Variants in WWP1 observed in about 807,000 individuals in gnomAD.
WWP1 encodes WW domain containing E3 ubiquitin protein ligase 1.
WWP1 carries 49 observed loss-of-function variants against 130.6 expected under a neutral mutation model. That is an observed-to-expected ratio of 0.38 (90% CI 0.30 to 0.48). The LOEUF (loss-of-function observed/expected upper bound fraction) is 0.48, where lower values mean the gene tolerates loss of function less well. WWP1 is among the 20% of genes least tolerant of loss of function. The pLI, the probability that WWP1 is intolerant of heterozygous loss-of-function variation, is 0.99. For synonymous variants in WWP1, 332 were observed against 367.8 expected (o/e 0.90, Z 1.11); for missense variants, 809 against 1,100.6 (o/e 0.74, Z 3.75).
At position 86,380,863 on chromosome 8, in the gene WWP1, G is replaced by C. The variant is rs746102182; in HGVS notation, c.208G>C (p.Val70Leu). The change falls in exon 4 of 25, where the codon GTA becomes CTA. Residue 70 changes from valine to leucine, a missense_variant and splice_region_variant. Around this residue, in one of 3 missense-constraint regions of WWP1, gnomAD observed 262 missense variants for 346.0 expected, o/e 0.76. Coordinates refer to ENST00000517970, the MANE Select transcript of WWP1 (RefSeq NM_007013.4). ...TCCAAAATGGGATGAACAGCTAACT[G>C]TGTAAGTACCTTGTGTAAAGGACGG... ...SNPKWDEQLT[V>L]NVTPQTTLEF... 2.5e-6 allele frequency: 4 copies of C among 1,598,728 alleles called. No individual in the cohort carries two copies. The highest frequency in any genetic ancestry group is 2.6e-6 in the Non-Finnish European group (3 of 1,174,614).
intron 8 of WWP1, among the ~76,000 whole-genome samples, chr8:86,409,222 CTTTCTT>C (rs1808444810): frequency 8.2e-6 from 1 of 121,310 alleles, no homozygotes; most frequent in Non-Finnish European, 1.7e-5. Context: ...TTTTCTTTTT[CTTTCTT>C]TTTTTTTTTT....
intron 1 of WWP1, among the ~76,000 whole-genome samples, chr8:86,363,868 A>G (rs962348097): frequency 4.0e-5 from 6 of 151,838 alleles, no homozygotes; most frequent in South Asian, 2.1e-4. Flanking sequence ...ATTCTGTGCC[A>G]GGAAGTATTT....
chr8:86,442,605 T>G lies in WWP1; in HGVS notation c.1839-14T>G. The G allele has an allele frequency of 6.3e-7, 1 of 1,574,878 alleles. No homozygotes were observed. Among genetic ancestry groups the G allele is most frequent in the Non-Finnish European group, 8.6e-7 (1 of 1,163,156 alleles). ...ATTAATGCTAAAAAATAACCTTGAC[T>G]TATTTTCTTATAGAGAATGGTTTTT... On this transcript the variant is annotated splice_polypyrimidine_tract_variant and intron_variant, in intron 17 of 24. Transcript: ENST00000517970.
intron 1 of WWP1, among the ~76,000 whole-genome samples, chr8:86,352,046 T>C (rs1586235952): frequency 6.7e-6 from 1 of 150,368 alleles, no homozygotes; most frequent in Admixed American, 6.6e-5. Context: ...TTCCTTTTTT[T>C]TTTTTTTTTT....
chr8:86,427,651 G>C lies in WWP1; in HGVS notation c.1166G>C (p.Arg389Thr). 6.2e-7 allele frequency: 1 copy of C among 1,603,804 alleles called. No individual in the cohort carries two copies. Among genetic ancestry groups the C allele is most frequent in the Non-Finnish European group, 8.5e-7 (1 of 1,173,464 alleles). Residue 389 changes from arginine (R) to threonine (T), a missense_variant, in exon 11 of 25, where the codon AGA (arginine) becomes ACA (threonine). This residue lies in a region of WWP1 where 450 missense variants were observed against 674.2 expected (regional missense o/e 0.67). Coordinates refer to ENST00000517970, the MANE Select transcript of WWP1 (RefSeq NM_007013.4). ...TTGTTTACTTGTGGTAGTTGGGAAA[G>C]AAGAGTTGATGATCGTAGAAGAGTT... The part of the protein sequence containing the change: ...RPQPLPPGWE[R>T]RVDDRRRVYY...
At chr8:86,355,197 G>C (rs1586243076) in intron 1 of WWP1, among the ~76,000 whole-genome samples, 1 of 152,186 alleles carries the variant, frequency 6.6e-6, no homozygotes, top group Non-Finnish European at 1.5e-5. Flanking sequence ...AATTCTTAAT[G>C]TATTAAGAAA....
chr8:86,447,114 A>G (rs1810923231), intron 18 of WWP1, among the ~76,000 whole-genome samples: 1 of 152,174 alleles, frequency 6.6e-6, no homozygotes, highest in Non-Finnish European at 1.5e-5. Flanking sequence ...ATGAAATACA[A>G]CTGTCGGTCA....
chr8:86,397,732 A>G (rs555490417), intron 5 of WWP1, among the ~76,000 whole-genome samples: 201 of 152,320 alleles, frequency 1.3e-3, no homozygotes, highest in African/African-American at 4.6e-3. Context: ...TAAGAACTAG[A>G]TGTTCTAATA....
At chr8:86,350,696 TA>T (rs1161369705) in intron 1 of WWP1, among the ~76,000 whole-genome samples, 1 of 152,172 alleles carries the variant, frequency 6.6e-6, no homozygotes, top group African/African-American at 2.4e-5. Flanking sequence ...TAACAGAATG[TA>T]GGTATGATAG....
At chr8:86,462,499 T>C (rs1811823528) in intron 24 of WWP1, among the ~76,000 whole-genome samples, 1 of 152,184 alleles carries the variant, frequency 6.6e-6, no homozygotes, top group South Asian at 2.1e-4. Flanking sequence ...TACAGCGTTA[T>C]AGGCTAATTA....
In WWP1 at chr8:86,370,009, A is replaced by G. The variant is rs190718704; in HGVS notation, c.-22+978A>G. ...ACCAACTGCTCAGCTGAAGAACTAGATCAATCCCAATATGGTTAAAGAGCT... is the reference window on the plus strand; with the variant it reads ...ACCAACTGCTCAGCTGAAGAACTAGGTCAATCCCAATATGGTTAAAGAGCT... On this transcript the variant is annotated intron_variant, in intron 2 of 24. Transcript: ENST00000517970. Among the ~76,000 whole-genome samples, 181 of 152,318 alleles carry G rather than the reference A, an allele frequency of 1.2e-3. 1 individual carries two copies. Among genetic ancestry groups the G allele is most frequent in the African/African-American group, 4.2e-3 (173 of 41,582 alleles).
chr8:86,449,544 C>G lies in WWP1; in HGVS notation c.2273+1031C>G, dbSNP rs79728468. On this transcript the variant is annotated intron_variant, in intron 20 of 24. Transcript: ENST00000517970. ...CAATCATTTTTTTAAAATGTAAAAACTATTCTTAGCTCAAATGCTGGACAA... is the reference window on the plus strand; with the variant it reads ...CAATCATTTTTTTAAAATGTAAAAAGTATTCTTAGCTCAAATGCTGGACAA... Among the ~76,000 whole-genome samples the G allele has an allele frequency of 8.9e-4, 136 of 152,272 alleles. No individual in the cohort carries two copies. The East Asian group carries it at 0.022, about 24-fold the overall frequency.
intron 10 of WWP1, among the ~76,000 whole-genome samples, chr8:86,426,970 G>A (rs1436976719): frequency 1.3e-5 from 2 of 152,050 alleles, no homozygotes; most frequent in Non-Finnish European, 2.9e-5. Context: ...AGACCATCCT[G>A]GCCAACGTGG....
chr8:86,452,723 G>A (rs1473115532), intron 21 of WWP1, 44 bp downstream of exon 21: 1 of 1,601,362 alleles, frequency 6.2e-7, no homozygotes, highest in Non-Finnish European at 8.5e-7. Context: ...GTTAGTGGGG[G>A]GAGGGACTAA....
At chr8:86,349,776 G>A (rs1822811463) in intron 1 of WWP1, among the ~76,000 whole-genome samples, 1 of 151,516 alleles carries the variant, frequency 6.6e-6, no homozygotes, top group Non-Finnish European at 1.5e-5. Flanking sequence ...GAGGGCAGTG[G>A]GATCTAACAA....
intron 9 of WWP1, among the ~76,000 whole-genome samples, chr8:86,424,213 C>T (rs1164308390): frequency 4.0e-5 from 6 of 151,156 alleles, no homozygotes; most frequent in Non-Finnish European, 8.8e-5. Context: ...GACGGGGCGG[C>T]GGGGCAGAGG....
intron 8 of WWP1, among the ~76,000 whole-genome samples, chr8:86,410,099 CATG>C (rs1271189131): frequency 6.6e-6 from 1 of 152,124 alleles, no homozygotes; most frequent in Non-Finnish European, 1.5e-5. Context: ...TGAATTTATA[CATG>C]ATGTTAGTCT....
chr8:86,441,950 G>C (rs764806923), intron 17 of WWP1, among the ~76,000 whole-genome samples: 7 of 152,198 alleles, frequency 4.6e-5, no homozygotes, highest in Non-Finnish European at 8.8e-5. Flanking sequence ...TCGCATATTG[G>C]ACTTTAAAAT....
intron 9 of WWP1, among the ~76,000 whole-genome samples, chr8:86,413,678 C>T (rs1041639701): frequency 1.4e-4 from 22 of 152,034 alleles, no homozygotes; most frequent in African/African-American, 5.3e-4. Flanking sequence ...GTATGCTGAA[C>T]CCAGGAATTA....
Sources: gnomAD v4.1 joint callset for allele counts (sites outside exome capture counted in the v4.1 genomes callset) on GRCh38, gnomAD v4.1.1 for gene constraint, gnomAD v4.1.1 regional missense constraint, MANE v1.5 for transcripts, NCBI Gene and HGNC (gene_info 2026-07-23, HGNC 2026-07-21) for gene names.